The following PAK5 variants were observed in gnomAD, a reference collection of about 807,000 sequenced individuals.
The protein encoded by PAK5 is serine/threonine-protein kinase PAK 5.
In PAK5, 16 loss-of-function variants were observed where a neutral mutation model predicts 65.9. That is an observed-to-expected ratio of 0.24 (90% CI 0.16 to 0.37). The LOEUF is 0.37. Ranked by LOEUF, PAK5 falls within the 10% of genes least tolerant of loss-of-function variation. The probability of loss-of-function intolerance (pLI) is 1.00; values close to 1 mark genes in which losing one functional copy is unlikely to be tolerated. For synonymous variants in PAK5, 371 were observed against 354.9 expected (o/e 1.05, Z -0.51); for missense variants, 785 against 903.9 (o/e 0.87, Z 1.69).
At position 9,580,826 on chromosome 20, in the gene PAK5, T is replaced by C; in HGVS notation, c.309A>G (p.Glu103=). ...SVTRSNSLRK[E]SPPTPDQGAS... ...CTCCCTGATCTGGGGTGGGTGGGCT[T>C]TCTTTCCTTAGGGAGTTGGAGCGAG... The change falls in exon 4 of 10, where the codon GAA becomes GAG. Residue 103 remains glutamate, a synonymous_variant. Coordinates refer to ENST00000353224, the MANE Select transcript of PAK5 (RefSeq NM_177990.4). 1 of 1,614,062 alleles carries C rather than the reference T, an allele frequency of 6.2e-7. No individual in the cohort carries two copies. Among genetic ancestry groups the C allele is most frequent in the Non-Finnish European group, 8.5e-7 (1 of 1,180,014 alleles).
At chr20:9,571,196 C>A (rs762589172) in intron 4 of PAK5, among the ~76,000 whole-genome samples, 1 of 152,196 alleles carries the variant, frequency 6.6e-6, no homozygotes. Flanking sequence ...CCTCAGAGGA[C>A]AAATAGCTGA....
intron 1 of PAK5, among the ~76,000 whole-genome samples, chr20:9,834,928 T>C (rs1002995844): frequency 4.6e-5 from 7 of 152,214 alleles, no homozygotes; most frequent in African/African-American, 1.4e-4. Context: ...AGAATATTTA[T>C]TGACTGATTG....
intron 3 of PAK5, among the ~76,000 whole-genome samples, chr20:9,591,984 A>T (rs1043349545): frequency 1.3e-5 from 2 of 152,226 alleles, no homozygotes; most frequent in African/African-American, 2.4e-5. Flanking sequence ...TGGTATTGTA[A>T]CTATGCACTG....
At chr20:9,797,861 T>C (rs1362818794) in intron 1 of PAK5, among the ~76,000 whole-genome samples, 1 of 151,946 alleles carries the variant, frequency 6.6e-6, no homozygotes, top group East Asian at 1.9e-4. Flanking sequence ...CATAAAGGTT[T>C]GTGCTAGATA....
intron 1 of PAK5, among the ~76,000 whole-genome samples, chr20:9,756,973 G>C (rs1464951593): frequency 1.3e-5 from 2 of 152,158 alleles, no homozygotes; most frequent in Non-Finnish European, 2.9e-5. Flanking sequence ...GGTTACACCA[G>C]CTTTCTTGCC....
rs77812047 is a variant in PAK5, at chr20:9,660,436, C to T, written c.-11-16097G>A. On this transcript the variant is annotated intron_variant, in intron 2 of 9. Transcript: ENST00000353224. ...CGGGCACTGTCCATGGTACTGAAGA[C>T]GCAATAGGGAGGCAGACAAAGATCC... Among the ~76,000 whole-genome samples the T allele has an allele frequency of 1.6e-3, 242 of 151,608 alleles. 8 individuals are homozygous for T. The East Asian group carries it at 0.04, about 25-fold the overall frequency.
chr20:9,676,422 A>T lies in PAK5; in HGVS notation c.-11-32083T>A, dbSNP rs767073541. Among the ~76,000 whole-genome samples the T allele has an allele frequency of 1.3e-5, 2 of 152,232 alleles. 1 individual carries two copies. Among genetic ancestry groups the T allele is most frequent in the Non-Finnish European group, 2.9e-5 (2 of 68,034 alleles). ...AATTATGATTTATTATTTTTGAAGG[A>T]CCTAATAAACTACAATTACAATTTC... is the stretch of plus-strand genomic sequence containing the variant. On this transcript the variant is annotated intron_variant, in intron 2 of 9. Coordinates refer to ENST00000353224, the MANE Select transcript of PAK5 (RefSeq NM_177990.4).
chr20:9,580,073 A>G (rs1416561768), intron 4 of PAK5, 72 bp downstream of exon 4: 2 of 1,292,134 alleles, frequency 1.5e-6, no homozygotes, highest in Non-Finnish European at 2.2e-6. Flanking sequence ...CCAATCGTAT[A>G]AAAAGGTCGT....
intron 2 of PAK5, among the ~76,000 whole-genome samples, chr20:9,646,727 C>T (rs1256148627): frequency 7.9e-5 from 12 of 152,164 alleles, no homozygotes; most frequent in Admixed American, 3.9e-4. Context: ...GACACCAATA[C>T]GCACTGTGCC....
At chr20:9,729,532 G>GA (rs1465860721) in intron 1 of PAK5, among the ~76,000 whole-genome samples, 35 of 152,048 alleles carry the variant, frequency 2.3e-4, no homozygotes, top group African/African-American at 8.5e-4. Flanking sequence ...ACCCACAGGT[G>GA]GTCAATGGAA....
intron 3 of PAK5, among the ~76,000 whole-genome samples, chr20:9,641,644 G>T (rs1463711983): frequency 1.3e-5 from 2 of 151,988 alleles, no homozygotes; most frequent in African/African-American, 4.8e-5. Context: ...GCAGGGGGTG[G>T]TGCTCGTCAG....
At chr20:9,636,184 AAG>A (rs2046981257) in intron 3 of PAK5, among the ~76,000 whole-genome samples, 1 of 152,206 alleles carries the variant, frequency 6.6e-6, no homozygotes, top group Non-Finnish European at 1.5e-5. Context: ...TATTAAAGGA[AAG>A]AGAGAATCCC....
intron 2 of PAK5, among the ~76,000 whole-genome samples, chr20:9,645,032 A>T (rs917775673): frequency 6.6e-6 from 1 of 152,238 alleles, no homozygotes; most frequent in African/African-American, 2.4e-5. Flanking sequence ...TAGTCACCAC[A>T]TAAAGGATCA....
intron 1 of PAK5, among the ~76,000 whole-genome samples, chr20:9,713,611 T>A (rs1258390383): frequency 7.4e-6 from 1 of 135,360 alleles, no homozygotes; most frequent in African/African-American, 2.7e-5. Context: ...TGGAATCAAC[T>A]TAAGTTTCCA....
chr20:9,723,841 A>C (rs2048245132), intron 1 of PAK5, among the ~76,000 whole-genome samples: 1 of 152,212 alleles, frequency 6.6e-6, no homozygotes, highest in African/African-American at 2.4e-5. Context: ...ATGCATGAGC[A>C]AGCCCAGTCT....
intron 2 of PAK5, among the ~76,000 whole-genome samples, chr20:9,704,697 C>G (rs1200787238): frequency 6.6e-6 from 1 of 151,986 alleles, no homozygotes; most frequent in East Asian, 1.9e-4. Flanking sequence ...AATATGAAAT[C>G]CAAAGGTGTG....
At position 9,573,249 on chromosome 20, in the gene PAK5, A is replaced by G. The variant is rs149203934; in HGVS notation, c.991-6865T>C. Among the ~76,000 whole-genome samples, 23 of 152,342 alleles carry G rather than the reference A, an allele frequency of 1.5e-4. No individual in the cohort carries two copies. In the East Asian group the frequency reaches 4.4e-3, roughly 29 times the overall value. ...AAAAAGAAAAAGAGCAAAAAAGAAT[A>G]TATTATATAAGGGAATAAATAATCC... On this transcript the variant is annotated intron_variant, in intron 4 of 9. Transcript: ENST00000353224.
intron 3 of PAK5, among the ~76,000 whole-genome samples, chr20:9,641,196 CAG>C (rs1484959649): frequency 1.3e-5 from 2 of 151,938 alleles, no homozygotes; most frequent in African/African-American, 2.4e-5. Context: ...CAGCTAGATA[CAG>C]AGTGTCGATT....
At chr20:9,675,070 A>G (rs2254000) in intron 2 of PAK5, among the ~76,000 whole-genome samples, 104,331 of 152,074 alleles carry the variant, frequency 0.69, 36,272 homozygotes, top group East Asian at 0.86. Flanking sequence ...CTGGCTCCTG[A>G]GGAAAACAGT....
Sources: gnomAD v4.1 joint callset for allele counts (sites outside exome capture counted in the v4.1 genomes callset) on GRCh38, gnomAD v4.1.1 for gene constraint, MANE v1.5 for transcripts, NCBI Gene and HGNC (gene_info 2026-07-23, HGNC 2026-07-21) for gene names.